Variants in EHMT1 observed in about 807,000 individuals in gnomAD.
EHMT1 encodes the protein euchromatic histone lysine methyltransferase 1, also known as histone-lysine N-methyltransferase EHMT1.
In EHMT1, 15 loss-of-function variants were observed where a neutral mutation model predicts 147.2. The observed-to-expected ratio is 0.10, with a 90% CI of 0.07 to 0.16. EHMT1 has a LOEUF of 0.16. Among genes scored for constraint, EHMT1 ranks in the 10% least tolerant of loss-of-function variants. The pLI, the probability that EHMT1 is intolerant of heterozygous loss-of-function variation, is 1.00. For missense variants in EHMT1, 1,587 were observed against 1,772.4 expected, an observed-to-expected ratio of 0.90 and a Z score of 1.88; for synonymous variants, 795 against 709.6, an observed-to-expected ratio of 1.12 and a Z score of -1.91.
At chr9:137,694,407 A>G (rs1317262545) in intron 1 of EHMT1, among the ~76,000 whole-genome samples, 12 of 134,018 alleles carry the variant, frequency 9.0e-5, no homozygotes, top group African/African-American at 1.7e-4. Flanking sequence ...GGCACAGGAC[A>G]CTGGCCGATA....
At position 137,834,886 on chromosome 9, in the gene EHMT1, C is replaced by CGGCCCAGGA. The variant is rs751283937; in HGVS notation, c.3842_3850dup (p.Ala1281_Glu1283dup). On this transcript the variant is annotated inframe_insertion, in exon 27 of 27. Transcript: ENST00000460843. ...GCCCTGGCCCAGCGTCAGGCCAGCG[C>CGGCCCAGGA]GGCCCAGGAGGCCCAGGAGGACGGC... The CGGCCCAGGA allele has an allele frequency of 3.7e-5, 60 of 1,607,826 alleles. No individual in the cohort carries two copies. The highest frequency in any genetic ancestry group is 4.8e-5 in the Non-Finnish European group (56 of 1,177,870).
At chr9:137,812,007 G>A (rs567623730) in intron 19 of EHMT1, among the ~76,000 whole-genome samples, 44 of 152,112 alleles carry the variant, frequency 2.9e-4, no homozygotes, top group Non-Finnish European at 5.3e-4. Context: ...GGAGTTGCTG[G>A]GGGCTGTGGC....
intron 1 of EHMT1, 80 bp from the exon 2 acceptor site, chr9:137,710,887 T>C: frequency 1.3e-6 from 2 of 1,496,660 alleles, no homozygotes; most frequent in Non-Finnish European, 1.8e-6. Flanking sequence ...TACGATTTTT[T>C]GACTTTTTCC....
intron 1 of EHMT1, among the ~76,000 whole-genome samples, chr9:137,622,990 CACG>C (rs1843027735): frequency 1.3e-5 from 2 of 151,232 alleles, no homozygotes; most frequent in Non-Finnish European, 2.9e-5. Flanking sequence ...GTGGGTGGAT[CACG>C]AGGTCAGGAG....
intron 1 of EHMT1, among the ~76,000 whole-genome samples, chr9:137,707,566 C>T (rs1944370542): frequency 6.6e-6 from 1 of 152,230 alleles, no homozygotes; most frequent in Non-Finnish European, 1.5e-5. Flanking sequence ...TGAGGCCTGG[C>T]ATGTTGGTCA....
intron 1 of EHMT1, among the ~76,000 whole-genome samples, chr9:137,661,507 G>A (rs1384774198): frequency 7.7e-6 from 1 of 129,408 alleles, no homozygotes; most frequent in African/African-American, 3.3e-5. Flanking sequence ...TTTTTTTTGA[G>A]ATGGAGTCTT....
In EHMT1 at chr9:137,835,865, C is replaced by T. The variant is rs1019863141; in HGVS notation, c.*912C>T. ...TTTTTTAAAGATGTTAGTCTTGTAG[C>T]GTGAATAAATTTGCCATCACCTTTT... is the stretch of plus-strand genomic sequence containing the variant. On this transcript the variant is annotated 3_prime_UTR_variant, in exon 27 of 27. Transcript: ENST00000460843. The T allele has an allele frequency of 6.6e-6, 1 of 152,510 alleles. No homozygotes were observed. Among genetic ancestry groups the T allele is most frequent in the African/African-American group, 2.4e-5 (1 of 41,424 alleles). 9.4% of individuals were successfully genotyped at this position (152,510 alleles called of 1,614,324 possible).
chr9:137,774,635 T>C (rs1430843952), intron 10 of EHMT1, among the ~76,000 whole-genome samples: 1 of 104,564 alleles, frequency 9.6e-6, no homozygotes, highest in Non-Finnish European at 1.8e-5. Flanking sequence ...TGTGGTCGCG[T>C]CTGGCCCCCT....
In EHMT1 at chr9:137,787,363, C is replaced by T. The variant is rs1042081516; in HGVS notation, c.2383-3485C>T. On this transcript the variant is annotated intron_variant, in intron 15 of 26. Transcript: ENST00000460843. The surrounding 1 kb of genome is among the most constrained non-coding windows in gnomAD (Gnocchi z 4.2). ...TCTGCCATTCGGTGACGGCTGGTGACGGATGGATGGGTAGTGGGCTGAGAA... is the reference window on the plus strand; with the variant it reads ...TCTGCCATTCGGTGACGGCTGGTGATGGATGGATGGGTAGTGGGCTGAGAA... Among the ~76,000 whole-genome samples, 21 of 152,254 alleles carry T rather than the reference C, an allele frequency of 1.4e-4. No individual in the cohort carries two copies. Among genetic ancestry groups the T allele is most frequent in the South Asian group, 2.1e-4 (1 of 4,822 alleles).
rs1024332196 is a variant in EHMT1 at position 137,645,427 on chromosome 9, C to T, written c.21+26378C>T. On this transcript the variant is annotated intron_variant, in intron 1 of 26. Coordinates refer to ENST00000460843, the MANE Select transcript of EHMT1 (RefSeq NM_024757.5). ...TTTTGTAACAAGTACTTACTGCCTT[C>T]GTGTGCCAGCTTCTGCACTGGGAGC... 1.5e-4 allele frequency among the ~76,000 whole-genome samples: 23 copies of T among 152,226 alleles called. No individual in the cohort carries two copies. The East Asian group carries it at 1.7e-3, about 11-fold the overall frequency.
At position 137,681,609 on chromosome 9, in the gene EHMT1, G is replaced by C. The variant is rs1941945390; in HGVS notation, c.22-29358G>C. Among the ~76,000 whole-genome samples the C allele has an allele frequency of 2.0e-5, 3 of 152,186 alleles. No homozygotes were observed. The South Asian group carries it at 6.2e-4, about 32-fold the overall frequency. The stretch of plus-strand genomic sequence containing the variant: ...CCAGGTGACATCTGTTTGCTTTCCT[G>C]ATACCTTCACAGGCTTCCCTTGTCC... On this transcript the variant is annotated intron_variant, in intron 1 of 26. Transcript: ENST00000460843.
chr9:137,643,448 C>T (rs1358098240), intron 1 of EHMT1, among the ~76,000 whole-genome samples: 5 of 151,318 alleles, frequency 3.3e-5, no homozygotes, highest in Non-Finnish European at 7.4e-5. Context: ...TCACGCCATC[C>T]TCCTGCCTCA....
At chr9:137,758,917 G>A (rs913372699) in intron 9 of EHMT1, among the ~76,000 whole-genome samples, 1 of 152,102 alleles carries the variant, frequency 6.6e-6, no homozygotes. Flanking sequence ...CACGAGGTCA[G>A]GAGATCGAGA....
Position 137,714,987 on chromosome 9 carries a change from TC to T in EHMT1, c.86-1636del, listed in dbSNP as rs138200773. Among the ~76,000 whole-genome samples the T allele has an allele frequency of 7.9e-3, 1,207 of 152,344 alleles. 25 individuals carry two copies. The highest frequency in any genetic ancestry group is 0.028 in the African/African-American group (1,153 of 41,586). On this transcript the variant is annotated intron_variant, in intron 2 of 26. Coordinates refer to ENST00000460843, the MANE Select transcript of EHMT1 (RefSeq NM_024757.5). ...AATTTCCTAATACCCTTTGTAGTTTTCCCTACTTCTGTGAATGATACTTTTT... is the reference window on the plus strand; with the variant it reads ...AATTTCCTAATACCCTTTGTAGTTTTCCTACTTCTGTGAATGATACTTTTT...
In EHMT1 at chr9:137,798,884, T is replaced by G. The variant is rs751868898; in HGVS notation, c.2577T>G (p.Leu859=). 15 of 1,614,050 alleles carry G rather than the reference T, an allele frequency of 9.3e-6. No individual in the cohort carries two copies. Among genetic ancestry groups the G allele is most frequent in the Non-Finnish European group, 1.3e-5 (15 of 1,179,994 alleles). Residue 859 remains leucine (L), a synonymous_variant, in exon 17 of 27, where the codon CTT becomes CTG. Transcript: ENST00000460843. ...KGHYEVVQYL[L]SNGQMDVNCQ... is the part of the protein sequence containing the mutation. ...ACTACGAAGTGGTCCAGTACCTGCT[T>G]TCAAATGGACAGATGGACGTCAACT...
intron 1 of EHMT1, among the ~76,000 whole-genome samples, chr9:137,650,022 G>A (rs1477013589): frequency 6.6e-6 from 1 of 152,096 alleles, no homozygotes; most frequent in Non-Finnish European, 1.5e-5. Context: ...TTTTTATGGT[G>A]GCTGTGCCAT....
intron 1 of EHMT1, among the ~76,000 whole-genome samples, chr9:137,681,797 C>T (rs1471411847): frequency 6.6e-6 from 1 of 152,156 alleles, no homozygotes; most frequent in East Asian, 1.9e-4. Context: ...TTGCTAAGTC[C>T]ATGTGCCCCT....
chr9:137,658,373 A>G (rs1020911839), intron 1 of EHMT1, among the ~76,000 whole-genome samples: 3 of 152,070 alleles, frequency 2.0e-5, no homozygotes, highest in African/African-American at 7.2e-5. Context: ...CTGGTGTCGA[A>G]CGCCTGAGCT....
Position 137,787,657 on chromosome 9 carries a change from TAAG to T in EHMT1, c.2383-3189_2383-3187del, listed in dbSNP as rs1952093751. 1.6e-6 allele frequency: 1 copy of T among 611,196 alleles called. No homozygotes were observed. Among genetic ancestry groups the T allele is most frequent in the South Asian group, 1.9e-5 (1 of 52,162 alleles). 37.9% of individuals were successfully genotyped at this position (611,196 alleles called of 1,614,324 possible). On this transcript the variant is annotated intron_variant, in intron 15 of 26. Transcript: ENST00000460843. This position sits in a 1 kb window ranked among gnomAD's most constrained non-coding sequence, Gnocchi z 4.2. Reference sequence around the variant, plus strand: ...AGCGGGAGGGAGGAGGGGCCTGTCTTAAGAGCCTCACAGGCTGCACCGGGAGAG... The same window carrying T: ...AGCGGGAGGGAGGAGGGGCCTGTCTTAGCCTCACAGGCTGCACCGGGAGAG...
Sources: allele counts gnomAD v4.1 joint callset (sites outside exome capture counted in the v4.1 genomes callset), GRCh38; gene constraint gnomAD v4.1.1; non-coding constraint Gnocchi (gnomAD v3.1); transcripts MANE v1.5; gene names NCBI Gene and HGNC (gene_info 2026-07-23, HGNC 2026-07-21).